GSK3B: variants seen among roughly 807,000 people sequenced by gnomAD.
GSK3B encodes glycogen synthase kinase-3 beta.
GSK3B carries 15 observed loss-of-function variants against 56.4 expected under a neutral mutation model. The observed-to-expected ratio is 0.27, with a 90% CI of 0.18 to 0.41. The LOEUF (loss-of-function observed/expected upper bound fraction) is 0.41, where lower values mean the gene tolerates loss of function less well. Ranked by LOEUF, GSK3B falls within the 10% of genes least tolerant of loss-of-function variation. The pLI is 1.00. For missense variants in GSK3B, 300 were observed against 513.4 expected (o/e 0.58, Z 4.02); for synonymous variants, 181 against 188.9 (o/e 0.96, Z 0.34).
At chr3:120,087,878 C>T (rs190182674) in intron 1 of GSK3B, among the ~76,000 whole-genome samples, 2 of 151,838 alleles carry the variant, frequency 1.3e-5, no homozygotes, top group African/African-American at 4.8e-5. Flanking sequence ...GAACCCAAAT[C>T]GACTAAATTG....
At chr3:120,075,595 C>G (rs1284214426) in intron 1 of GSK3B, among the ~76,000 whole-genome samples, 1 of 151,740 alleles carries the variant, frequency 6.6e-6, no homozygotes, top group African/African-American at 2.4e-5. Context: ...AAATAATGAC[C>G]AAGCTGAAAA....
chr3:119,868,913 G>A (rs1181186091), intron 8 of GSK3B, among the ~76,000 whole-genome samples: 2 of 152,136 alleles, frequency 1.3e-5, no homozygotes, highest in African/African-American at 4.8e-5. Flanking sequence ...GATTAAAAGT[G>A]AGACAATGCC....
At chr3:119,827,746 T>G (rs1233393282) in intron 10 of GSK3B, among the ~76,000 whole-genome samples, 1 of 152,092 alleles carries the variant, frequency 6.6e-6, no homozygotes, top group Non-Finnish European at 1.5e-5. Flanking sequence ...ACTTTGCATG[T>G]TCTCACTTAT....
intron 2 of GSK3B, among the ~76,000 whole-genome samples, chr3:119,959,506 CTTTTTTT>C (rs34702117): frequency 1.2e-4 from 11 of 89,180 alleles, no homozygotes; most frequent in Non-Finnish European, 1.9e-4. Context: ...TTCTCTCTGA[CTTTTTTT>C]TTTTTTTTTT....
intron 3 of GSK3B, among the ~76,000 whole-genome samples, chr3:119,924,086 A>T (rs527430728): frequency 4.6e-5 from 7 of 152,378 alleles, no homozygotes; most frequent in African/African-American, 1.2e-4. Flanking sequence ...ACTGAAATTT[A>T]AAAAATAACC....
At chr3:119,936,245 G>A (rs1478168218) in intron 3 of GSK3B, among the ~76,000 whole-genome samples, 3 of 149,922 alleles carry the variant, frequency 2.0e-5, no homozygotes, top group Non-Finnish European at 4.4e-5. Flanking sequence ...AGAGACTCTA[G>A]CCAGAACGGT....
chr3:119,984,095 C>A (rs1219944060), intron 2 of GSK3B, among the ~76,000 whole-genome samples: 1 of 152,282 alleles, frequency 6.6e-6, no homozygotes, highest in South Asian at 2.1e-4. Context: ...ACAACTTGCT[C>A]CTGAATGACT....
intron 7 of GSK3B, among the ~76,000 whole-genome samples, chr3:119,894,589 T>C (rs1392543899): frequency 2.0e-5 from 3 of 151,344 alleles, no homozygotes; most frequent in Non-Finnish European, 3.0e-5. Flanking sequence ...CTTTGTCCAT[T>C]TTTCAAGTGG....
At chr3:119,828,809 A>G (rs2055557127) in intron 10 of GSK3B, among the ~76,000 whole-genome samples, 6 of 152,212 alleles carry the variant, frequency 3.9e-5, no homozygotes, top group Admixed American at 2.6e-4. Flanking sequence ...AGGAATGTGA[A>G]TATCTCTTAA....
At chr3:119,906,838 A>G (rs1028221120) in intron 6 of GSK3B, among the ~76,000 whole-genome samples, 1 of 152,094 alleles carries the variant, frequency 6.6e-6, no homozygotes, top group Non-Finnish European at 1.5e-5. Context: ...ACAACAAAAA[A>G]TTTTAAAGGT....
chr3:119,984,453 T>C (rs2057495034), intron 2 of GSK3B, among the ~76,000 whole-genome samples: 2 of 148,190 alleles, frequency 1.3e-5, no homozygotes, highest in Admixed American at 6.7e-5. Flanking sequence ...ATCAACAAAA[T>C]TGATAGACCG....
chr3:119,971,099 ACTTT>A (rs2057362676), intron 2 of GSK3B, among the ~76,000 whole-genome samples: 1 of 152,198 alleles, frequency 6.6e-6, no homozygotes, highest in South Asian at 2.1e-4. Context: ...TTAATCATTA[ACTTT>A]CTTATATAAA....
At chr3:119,967,512 G>C (rs969987865) in intron 2 of GSK3B, among the ~76,000 whole-genome samples, 3 of 152,114 alleles carry the variant, frequency 2.0e-5, no homozygotes, top group Admixed American at 1.3e-4. Context: ...TTTTTACAAA[G>C]ACAAAGTAAT....
intron 5 of GSK3B, among the ~76,000 whole-genome samples, chr3:119,913,265 A>G (rs1289730950): frequency 3.3e-5 from 5 of 152,120 alleles, no homozygotes; most frequent in Non-Finnish European, 7.4e-5. Flanking sequence ...CTTCTGACTC[A>G]CGGCGAATAT....
At chr3:119,970,289 G>C (rs1183711483) in intron 2 of GSK3B, among the ~76,000 whole-genome samples, 1 of 152,128 alleles carries the variant, frequency 6.6e-6, no homozygotes, top group Non-Finnish European at 1.5e-5. Context: ...TAAAAGATTT[G>C]AAGAGAAACT....
In GSK3B at chr3:119,916,185, T is replaced by G; in HGVS notation, c.478-11A>C. ...CTGATACATATACAACTGGAATAGATAGTAGAAATTAATTAAATACTTCCT... is the reference window on the plus strand; with the variant it reads ...CTGATACATATACAACTGGAATAGAGAGTAGAAATTAATTAAATACTTCCT... On this transcript the variant is annotated splice_polypyrimidine_tract_variant and intron_variant, in intron 4 of 10. Coordinates refer to ENST00000264235, the MANE Select transcript of GSK3B (RefSeq NM_001146156.2). The G allele has an allele frequency of 1.9e-6, 3 of 1,579,368 alleles. No individual in the cohort carries two copies. Among genetic ancestry groups the G allele is most frequent in the Non-Finnish European group, 2.6e-6 (3 of 1,149,528 alleles).
rs563752256 is a variant in GSK3B at position 120,091,027 on chromosome 3, C to T, written c.88+2320G>A. ...TTCAAGTTACCACCTCCTTTAACAT[C>T]AGTCCTAATACACCTTGTCCGCAGG... On this transcript the variant is annotated intron_variant, in intron 1 of 10. Coordinates refer to ENST00000264235, the MANE Select transcript of GSK3B (RefSeq NM_001146156.2). Among the ~76,000 whole-genome samples the T allele has an allele frequency of 8.5e-5, 13 of 152,260 alleles. No homozygotes were observed. In the East Asian group the frequency reaches 2.1e-3, roughly 25 times the overall value.
intron 9 of GSK3B, among the ~76,000 whole-genome samples, chr3:119,853,237 T>C (rs955829244): frequency 2.0e-5 from 3 of 152,176 alleles, no homozygotes; most frequent in Non-Finnish European, 2.9e-5. Context: ...TGGTTGTAGA[T>C]TGTGATATTA....
At chr3:119,840,057 A>G (rs1378681232) in intron 10 of GSK3B, among the ~76,000 whole-genome samples, 1 of 152,266 alleles carries the variant, frequency 6.6e-6, no homozygotes, top group Non-Finnish European at 1.5e-5. Context: ...TTGTGAGGAA[A>G]GCTTCGGCTA....
Sources: gnomAD v4.1 joint callset for allele counts (sites outside exome capture counted in the v4.1 genomes callset) on GRCh38, gnomAD v4.1.1 for gene constraint, MANE v1.5 for transcripts, NCBI Gene and HGNC (gene_info 2026-07-23, HGNC 2026-07-21) for gene names.